GPM6A: variants seen among roughly 807,000 people sequenced by gnomAD.
GPM6A encodes glycoprotein M6A.
Under a neutral mutation model 32.1 loss-of-function variants are expected in GPM6A, and 7 were observed. The observed-to-expected ratio is 0.22, with a 90% CI of 0.12 to 0.41. GPM6A has a LOEUF of 0.41. Ranked by LOEUF, GPM6A falls within the 10% of genes least tolerant of loss-of-function variation. GPM6A has a pLI of 1.00. For synonymous variants in GPM6A, 130 were observed against 123.4 expected, an observed-to-expected ratio of 1.05 and a Z score of -0.35; for missense variants, 235 against 347.2, an observed-to-expected ratio of 0.68 and a Z score of 2.57.
chr4:175,827,525 C>T (rs183890204), intron 1 of GPM6A, among the ~76,000 whole-genome samples: 16 of 152,312 alleles, frequency 1.1e-4, no homozygotes, highest in Admixed American at 4.6e-4. Context: ...CTTAAACCTG[C>T]GCTCTTCATC....
chr4:175,637,042 A>G (rs1374622660), intron 6 of GPM6A, among the ~76,000 whole-genome samples: 1 of 82,450 alleles, frequency 1.2e-5, no homozygotes, highest in Non-Finnish European at 2.2e-5. Context: ...AATATATAAT[A>G]TATTTATATA....
chr4:175,764,998 C>G (rs1224696722), intron 1 of GPM6A, among the ~76,000 whole-genome samples: 5 of 151,800 alleles, frequency 3.3e-5, no homozygotes, highest in African/African-American at 9.7e-5. Flanking sequence ...CTCAGCCTCC[C>G]GAATAGCTGG....
At chr4:175,868,192 T>G (rs1210327540) in intron 1 of GPM6A, among the ~76,000 whole-genome samples, 1 of 152,208 alleles carries the variant, frequency 6.6e-6, no homozygotes, top group South Asian at 2.1e-4. Flanking sequence ...TGTCTGTCTC[T>G]CCAGTGTTGG....
chr4:175,851,694 A>G (rs1340618774), intron 1 of GPM6A, among the ~76,000 whole-genome samples: 1 of 152,194 alleles, frequency 6.6e-6, no homozygotes, highest in Non-Finnish European at 1.5e-5. Flanking sequence ...AGTTTGCTGC[A>G]CCAACAGGTG....
At chr4:175,894,789 A>G (rs542574798) in intron 1 of GPM6A, among the ~76,000 whole-genome samples, 7 of 150,772 alleles carry the variant, frequency 4.6e-5, no homozygotes, top group African/African-American at 1.7e-4. Context: ...AGGAAAACTC[A>G]TACACAAAAT....
chr4:175,721,728 G>A (rs1453805315), intron 1 of GPM6A, among the ~76,000 whole-genome samples: 1 of 152,130 alleles, frequency 6.6e-6, no homozygotes, highest in Non-Finnish European at 1.5e-5. Flanking sequence ...CACTTCATGT[G>A]GCTTCAATAG....
At chr4:175,674,655 CAGAT>C (rs1743262027) in intron 2 of GPM6A, among the ~76,000 whole-genome samples, 1 of 152,268 alleles carries the variant, frequency 6.6e-6, no homozygotes, top group African/African-American at 2.4e-5. Flanking sequence ...TTTTACGTTA[CAGAT>C]AGTCAATTAT....
intron 1 of GPM6A, among the ~76,000 whole-genome samples, chr4:175,901,297 T>C (rs1005267368): frequency 6.6e-6 from 1 of 152,200 alleles, no homozygotes; most frequent in Non-Finnish European, 1.5e-5. Flanking sequence ...AGAATGTAAT[T>C]GAGTTGTTTG....
intron 1 of GPM6A, among the ~76,000 whole-genome samples, chr4:175,826,099 G>C (rs574403272): frequency 1.8e-4 from 27 of 152,024 alleles, no homozygotes; most frequent in Admixed American, 5.9e-4. Flanking sequence ...GTTCCAGGCT[G>C]TAGTGAGCCA....
intron 1 of GPM6A, among the ~76,000 whole-genome samples, chr4:175,792,758 A>G (rs1200158168): frequency 6.6e-6 from 1 of 152,238 alleles, no homozygotes; most frequent in African/African-American, 2.4e-5. Context: ...CCAAGGAAAT[A>G]TTGAAATTAA....
chr4:175,684,413 A>T (rs1743860256), intron 2 of GPM6A, among the ~76,000 whole-genome samples: 1 of 152,162 alleles, frequency 6.6e-6, no homozygotes, highest in African/African-American at 2.4e-5. Flanking sequence ...TTCTTCTAGC[A>T]TGTGTCCAGT....
intron 1 of GPM6A, among the ~76,000 whole-genome samples, chr4:175,851,618 T>C (rs17062168): frequency 6.6e-6 from 1 of 152,184 alleles, no homozygotes; most frequent in Non-Finnish European, 1.5e-5. Context: ...AATGGGGATC[T>C]TGGAAACAGC....
At chr4:175,766,030 A>G (rs1173401643) in intron 1 of GPM6A, among the ~76,000 whole-genome samples, 1 of 152,194 alleles carries the variant, frequency 6.6e-6, no homozygotes, top group Admixed American at 6.5e-5. Flanking sequence ...ATGAACTGAA[A>G]TAATTTGATT....
intron 1 of GPM6A, among the ~76,000 whole-genome samples, chr4:175,790,117 A>G (rs1432197344): frequency 2.6e-5 from 4 of 152,208 alleles, no homozygotes; most frequent in Non-Finnish European, 5.9e-5. Flanking sequence ...CACTACATAA[A>G]TAAATGTGTA....
chr4:175,899,491 C>A (rs568989172), intron 1 of GPM6A, among the ~76,000 whole-genome samples: 6 of 151,954 alleles, frequency 3.9e-5, no homozygotes, highest in African/African-American at 9.7e-5. Context: ...ATTATGATAA[C>A]CAAAACAGCA....
At chr4:175,948,156 T>C (rs966312172) in intron 1 of GPM6A, among the ~76,000 whole-genome samples, 1 of 152,214 alleles carries the variant, frequency 6.6e-6, no homozygotes, top group Non-Finnish European at 1.5e-5. Context: ...TGTGATTTTT[T>C]GCTCCAATAT....
chr4:175,958,676 A>C (rs1015460657), intron 1 of GPM6A, among the ~76,000 whole-genome samples: 6 of 152,228 alleles, frequency 3.9e-5, no homozygotes, highest in Non-Finnish European at 7.3e-5. Flanking sequence ...ATTAAGCCTG[A>C]ATCTAGATCA....
chr4:175,698,454 C>T (rs1207204475), intron 2 of GPM6A, among the ~76,000 whole-genome samples: 1 of 152,102 alleles, frequency 6.6e-6, no homozygotes, highest in African/African-American at 2.4e-5. Context: ...CTTCTGTTTG[C>T]TTATTTTACA....
At chr4:175,985,884 C>T (rs999814776) in intron 1 of GPM6A, among the ~76,000 whole-genome samples, 1 of 152,032 alleles carries the variant, frequency 6.6e-6, no homozygotes, top group South Asian at 2.1e-4. Context: ...CGGCTCACTG[C>T]AACATCCATC....
Sources: gnomAD v4.1 joint callset for allele counts (sites outside exome capture counted in the v4.1 genomes callset) on GRCh38, gnomAD v4.1.1 for gene constraint, MANE v1.5 for transcripts, NCBI Gene and HGNC (gene_info 2026-07-23, HGNC 2026-07-21) for gene names.